Variants in AFAP1 observed in about 807,000 individuals in gnomAD.
AFAP1 encodes the protein actin filament-associated protein 1.
Under a neutral mutation model 93.9 loss-of-function variants are expected in AFAP1, and 75 were observed. The ratio of observed to expected loss-of-function variants is 0.80; its 90% CI spans 0.66 to 0.97. The LOEUF (loss-of-function observed/expected upper bound fraction) is 0.97. AFAP1 is among the 50% of genes least tolerant of loss of function. The probability of loss-of-function intolerance (pLI) is 0.00; values close to 1 mark genes in which losing one functional copy is unlikely to be tolerated. For synonymous variants in AFAP1, 517 were observed against 430.7 expected (o/e 1.20, Z -2.48); for missense variants, 1,201 against 1,050.8 (o/e 1.14, Z -1.98).
chr4:7,907,059 T>C (rs1189529641), intron 1 of AFAP1, among the ~76,000 whole-genome samples: 1 of 151,714 alleles, frequency 6.6e-6, no homozygotes, highest in Non-Finnish European at 1.5e-5. Context: ...TCCTGTGCTA[T>C]GCAACACAGA....
chr4:7,872,852 C>T (rs928688316), intron 1 of AFAP1, among the ~76,000 whole-genome samples: 12 of 147,708 alleles, frequency 8.1e-5, no homozygotes, highest in South Asian at 2.1e-4. Context: ...CATCTTAGCA[C>T]GAATCAAGGA....
At chr4:7,813,054 G>A (rs1372943170) in intron 8 of AFAP1, among the ~76,000 whole-genome samples, 5 of 152,186 alleles carry the variant, frequency 3.3e-5, no homozygotes, top group Non-Finnish European at 7.3e-5. Context: ...AGAAGAAACA[G>A]GAGTTCCAGA....
At chr4:7,831,540 A>G (rs1468235671) in intron 6 of AFAP1, among the ~76,000 whole-genome samples, 2 of 152,190 alleles carry the variant, frequency 1.3e-5, no homozygotes, top group Non-Finnish European at 2.9e-5. Flanking sequence ...AGCGTCTGAC[A>G]TCTTGAGAAA....
intron 1 of AFAP1, among the ~76,000 whole-genome samples, chr4:7,898,692 A>C (rs1033710626): frequency 6.6e-6 from 1 of 150,850 alleles, no homozygotes; most frequent in East Asian, 1.9e-4. Flanking sequence ...CCCTTTGTGA[A>C]CCCATCCTGT....
chr4:7,865,082 A>C (rs1716250087), intron 3 of AFAP1, among the ~76,000 whole-genome samples: 1 of 152,238 alleles, frequency 6.6e-6, no homozygotes, highest in South Asian at 2.1e-4. Flanking sequence ...GGAATTCTAA[A>C]CTCAGATTGT....
intron 1 of AFAP1, among the ~76,000 whole-genome samples, chr4:7,892,942 A>G (rs1718556299): frequency 6.6e-6 from 1 of 152,198 alleles, no homozygotes; most frequent in African/African-American, 2.4e-5. Context: ...TCAAGAGAAC[A>G]TCAAAACACA....
intron 1 of AFAP1, among the ~76,000 whole-genome samples, chr4:7,926,498 G>A (rs2149241500): frequency 6.6e-6 from 1 of 152,310 alleles, no homozygotes; most frequent in South Asian, 2.1e-4. Flanking sequence ...ACCGTGGTTA[G>A]AAGACGCACT....
chr4:7,832,236 G>T (rs1412742271), intron 6 of AFAP1, among the ~76,000 whole-genome samples: 1 of 152,000 alleles, frequency 6.6e-6, no homozygotes, highest in African/African-American at 2.4e-5. Context: ...TCCAATCACA[G>T]GACTTCCAGA....
rs182053566 is a variant in AFAP1, at chr4:7,820,078, C to T, written c.727-907G>A. 5.8e-3 allele frequency among the ~76,000 whole-genome samples: 878 copies of T among 152,294 alleles called. 5 individuals are homozygous for T. Among genetic ancestry groups the T allele is most frequent in the African/African-American group, 0.02 (827 of 41,564 alleles). ...AAGCATAGGGAAATCCATGAGAGGA[C>T]ATTGCTGTAGCAGTGCAGGTGGCAG... is the stretch of plus-strand genomic sequence containing the variant. On this transcript the variant is annotated intron_variant, in intron 6 of 17. Transcript: ENST00000420658.
At chr4:7,783,705 T>A (rs1716996876) in intron 12 of AFAP1, among the ~76,000 whole-genome samples, 1 of 152,180 alleles carries the variant, frequency 6.6e-6, no homozygotes, top group South Asian at 2.1e-4. Context: ...GGGGGTGGCC[T>A]GTAGAGTGTC....
chr4:7,925,572 C>T (rs1720680489), intron 1 of AFAP1, among the ~76,000 whole-genome samples: 1 of 151,692 alleles, frequency 6.6e-6, no homozygotes, highest in African/African-American at 2.4e-5. Context: ...ATTAGCTAGG[C>T]GTGGTGGCTC....
At chr4:7,885,533 A>G (rs1000853700) in intron 1 of AFAP1, among the ~76,000 whole-genome samples, 6 of 152,240 alleles carry the variant, frequency 3.9e-5, no homozygotes, top group Non-Finnish European at 1.5e-5. Context: ...TCCACTAGCC[A>G]GTAGACAGTT....
chr4:7,913,854 T>G (rs193194902), intron 1 of AFAP1, among the ~76,000 whole-genome samples: 1 of 152,232 alleles, frequency 6.6e-6, no homozygotes, highest in Admixed American at 6.5e-5. Context: ...AGCTGCTTCA[T>G]AGCCATTCCA....
chr4:7,846,394 T>C (rs1414254709), intron 4 of AFAP1, among the ~76,000 whole-genome samples: 2 of 152,222 alleles, frequency 1.3e-5, no homozygotes, highest in African/African-American at 4.8e-5. Flanking sequence ...AACGAGAAGA[T>C]GGGCAGAGGC....
rs1320172273 is a variant in AFAP1 at position 7,939,841 on chromosome 4, G to C, written c.-188C>G. ...CGGCTCGCGGAGCTGCAGCCGGCGT[G>C]GGGCTGCGGCCGGGACAGACACCAC... On this transcript the variant is annotated 5_prime_UTR_variant, in exon 1 of 18. Transcript: ENST00000420658. This position sits in a 1 kb window ranked among gnomAD's most constrained non-coding sequence, Gnocchi z 5.6. The C allele has an allele frequency of 7.2e-6, 2 of 277,014 alleles. No individual in the cohort carries two copies. Among genetic ancestry groups the C allele is most frequent in the Admixed American group, 6.0e-5 (1 of 16,542 alleles). The allele number at this position is 277,014 out of a possible 1,614,324, so 17.2% of individuals were successfully genotyped here. A position where few individuals can be genotyped will look rare whatever the true frequency, so the allele number is the denominator to read the frequency against.
rs374198857 is a variant in AFAP1, at chr4:7,800,627, G to A, written c.1081C>T (p.Arg361Cys). The change falls in exon 10 of 18, where the codon CGC becomes TGC. Residue 361 changes from arginine (R) to cysteine (C), a missense_variant. Transcript: ENST00000420658. The part of the protein sequence containing the change: ...CGYLNVLSNS[R>C]WRERWCRVKD... ...ACTCGGCACCAGCGCTCTCGCCAGCGGCTGTTGGAGAGCACGTTCAGATAG... is the reference window on the plus strand; with the variant it reads ...ACTCGGCACCAGCGCTCTCGCCAGCAGCTGTTGGAGAGCACGTTCAGATAG... 3.3e-5 allele frequency: 54 copies of A among 1,614,068 alleles called. No homozygotes were observed. Among genetic ancestry groups the A allele is most frequent in the African/African-American group, 1.3e-4 (10 of 74,930 alleles).
chr4:7,834,128 C>CATATATAT (rs1553842868), intron 6 of AFAP1, among the ~76,000 whole-genome samples: 1 of 119,426 alleles, frequency 8.4e-6, no homozygotes, highest in African/African-American at 3.9e-5. Context: ...CACACACACA[C>CATATATAT]ATATATACAA....
At chr4:7,914,115 C>A (rs139291527) in intron 1 of AFAP1, among the ~76,000 whole-genome samples, 170 of 151,394 alleles carry the variant, frequency 1.1e-3, no homozygotes, top group Non-Finnish European at 1.9e-3. Context: ...AGTGCAGTGG[C>A]GCGATCTCAG....
intron 1 of AFAP1, among the ~76,000 whole-genome samples, chr4:7,913,636 T>G (rs902160740): frequency 5.9e-5 from 9 of 152,210 alleles, no homozygotes; most frequent in African/African-American, 2.2e-4. Context: ...AAAATGAGCA[T>G]GTATGCCTAT....
Sources: allele counts gnomAD v4.1 joint callset (sites outside exome capture counted in the v4.1 genomes callset), GRCh38; gene constraint gnomAD v4.1.1; non-coding constraint Gnocchi (gnomAD v3.1); transcripts MANE v1.5; gene names NCBI Gene and HGNC (gene_info 2026-07-23, HGNC 2026-07-21).